The following POLR2C variants were observed in gnomAD, a reference collection of about 807,000 sequenced individuals.
The protein encoded by POLR2C is RNA polymerase II subunit C, also known as DNA-directed RNA polymerase II subunit RPB3.
POLR2C carries 36 observed loss-of-function variants against 41.7 expected under a neutral mutation model. The ratio of observed to expected loss-of-function variants is 0.86; its 90% CI spans 0.66 to 1.14. The LOEUF is 1.14. Among genes scored for constraint, POLR2C ranks in the 50% most tolerant of loss-of-function variants. The pLI is 0.00. For missense variants in POLR2C, 260 were observed against 350.4 expected, an observed-to-expected ratio of 0.74 and a Z score of 2.06; for synonymous variants, 133 against 137.8, an observed-to-expected ratio of 0.96 and a Z score of 0.25.
chr16:57,471,787 C>G lies in POLR2C; in HGVS notation c.*668C>G, dbSNP rs570494543. The G allele has an allele frequency of 6.6e-6, 1 of 151,094 alleles. No individual in the cohort carries two copies. Among genetic ancestry groups the G allele is most frequent in the South Asian group, 2.1e-4 (1 of 4,844 alleles). The allele number at this position is 151,094 out of a possible 1,614,324, so 9.4% of individuals were successfully genotyped here. A position where few individuals can be genotyped will look rare whatever the true frequency, so the allele number is the denominator to read the frequency against. ...TGGAAGCAGCCGCAGGAGCAAGGGCCCCTCCCACATACACAGGAGGAGTAT... is the reference window on the plus strand; with the variant it reads ...TGGAAGCAGCCGCAGGAGCAAGGGCGCCTCCCACATACACAGGAGGAGTAT... On this transcript the variant is annotated 3_prime_UTR_variant, in exon 9 of 9. Coordinates refer to ENST00000219252, the MANE Select transcript of POLR2C (RefSeq NM_032940.3).
At chr16:57,463,551 C>G in intron 2 of POLR2C, 1 of 415,386 alleles carries the variant, frequency 2.4e-6, no homozygotes, top group Non-Finnish European at 4.9e-6. Context: ...TCCCTTCCAG[C>G]TCTAGTAGTC....
At chr16:57,463,842 C>CT (rs2030640327) in intron 2 of POLR2C, 1 of 313,960 alleles carries the variant, frequency 3.2e-6, no homozygotes, top group East Asian at 1.1e-4. Flanking sequence ...ACTGGGGAGG[C>CT]TGAGGCAGAA....
chr16:57,467,359 G>GT (rs1234730491), intron 4 of POLR2C, among the ~76,000 whole-genome samples: 5 of 152,168 alleles, frequency 3.3e-5, no homozygotes, highest in African/African-American at 1.2e-4. Flanking sequence ...CCAGATTTTT[G>GT]TTTTTTAATA....
rs376623936 is a variant in POLR2C at position 57,463,081 on chromosome 16, A to G, written c.136+3A>G. 3.4e-5 allele frequency: 54 copies of G among 1,608,966 alleles called. No individual in the cohort carries two copies. In the African/African-American group the frequency reaches 6.6e-4, roughly 20 times the overall value. ...CATCGCTGAGGTTCCCATAATAGGTAAGCGACTCCCCTTCCTCGTTCCCGC... is the reference window on the plus strand; with the variant it reads ...CATCGCTGAGGTTCCCATAATAGGTGAGCGACTCCCCTTCCTCGTTCCCGC... On this transcript the variant is annotated splice_donor_region_variant and intron_variant, in intron 2 of 8. Transcript: ENST00000219252.
intron 4 of POLR2C, among the ~76,000 whole-genome samples, chr16:57,467,460 C>T (rs1393902871): frequency 6.6e-6 from 1 of 152,194 alleles, no homozygotes; most frequent in East Asian, 1.9e-4. Flanking sequence ...GCTCTATCAC[C>T]TAGCAGTTCC....
chr16:57,470,518 G>T, intron 8 of POLR2C, 164 bp downstream of exon 8: 1 of 595,860 alleles, frequency 1.7e-6, no homozygotes, highest in Non-Finnish European at 3.0e-6. Context: ...CATCCCAGGG[G>T]CAGGTCGTCA....
Position 57,470,137 on chromosome 16 carries a change from C to A in POLR2C, c.608+8C>A, listed in dbSNP as rs769053756. 6.2e-7 allele frequency: 1 copy of A among 1,610,078 alleles called. No homozygotes were observed. The highest frequency in any genetic ancestry group is 2.2e-5 in the East Asian group (1 of 44,856). On this transcript the variant is annotated splice_region_variant and intron_variant, in intron 7 of 8. Transcript: ENST00000219252. ...CCCCAAGCCCGAGGAATGGTATGTT[C>A]CCCTTAGGAGTGATGGCAGGCATTT...
At chr16:57,466,931 A>G (rs1408447048) in intron 4 of POLR2C, among the ~76,000 whole-genome samples, 1 of 152,148 alleles carries the variant, frequency 6.6e-6, no homozygotes, top group African/African-American at 2.4e-5. Context: ...ATATGTGTGT[A>G]TTTTTAAAAA....
intron 2 of POLR2C, among the ~76,000 whole-genome samples, chr16:57,464,852 T>C (rs552906428): frequency 6.6e-6 from 1 of 152,184 alleles, no homozygotes; most frequent in South Asian, 2.1e-4. Flanking sequence ...ACAAATAATA[T>C]TGAGCACCCA....
rs1259871114 is a variant in POLR2C at position 57,471,218 on chromosome 16, C to CTGT, written c.*102_*104dup. 13 of 1,069,508 alleles carry CTGT rather than the reference C, an allele frequency of 1.2e-5. No homozygotes were observed. In the Middle Eastern group the frequency reaches 8.2e-4, roughly 67 times the overall value. The allele number at this position is 1,069,508 out of a possible 1,614,324, so 66.3% of individuals were successfully genotyped here. A position where few individuals can be genotyped will look rare whatever the true frequency, so the allele number is the denominator to read the frequency against. On this transcript the variant is annotated 3_prime_UTR_variant, in exon 9 of 9. Coordinates refer to ENST00000219252, the MANE Select transcript of POLR2C (RefSeq NM_032940.3). ...TTCTCGTTTCTGAGAATCTAGTCTA[C>CTGT]TGTTGGTTGAGCTTCTTGGCAGGAC...
chr16:57,466,135 C>A, intron 3 of POLR2C, 40 bp from the exon 4 acceptor site: 1 of 1,546,942 alleles, frequency 6.5e-7, no homozygotes, highest in Non-Finnish European at 8.9e-7. Context: ...TTTGGCTTGG[C>A]TGTTTGGTTT....
At chr16:57,466,083 C>A in intron 3 of POLR2C, 62 bp downstream of exon 3, 1 of 1,417,682 alleles carries the variant, frequency 7.1e-7, no homozygotes, top group Non-Finnish European at 1.0e-6. Flanking sequence ...CAGGAGGGGG[C>A]CTCCTTCCAG....
chr16:57,463,194 G>A, intron 2 of POLR2C, 116 bp downstream of exon 2: 1 of 878,526 alleles, frequency 1.1e-6, no homozygotes, highest in Non-Finnish European at 1.9e-6. Flanking sequence ...GTAGTGCTGA[G>A]AAAAGTGCAT....
At position 57,469,623 on chromosome 16, in the gene POLR2C, T is replaced by G. The variant is rs2030781138; in HGVS notation, c.388-87T>G. ...GGTGTTCGTTCCCTGGTTGACAGAT[T>G]GCAGTCTAGAGGTGCTGGGATATGG... On this transcript the variant is annotated intron_variant, in intron 5 of 8. Coordinates refer to ENST00000219252, the MANE Select transcript of POLR2C (RefSeq NM_032940.3). This position sits in a 1 kb window ranked among gnomAD's most constrained non-coding sequence, Gnocchi z 5.8. 8.9e-7 allele frequency: 1 copy of G among 1,122,296 alleles called. No individual in the cohort carries two copies. The highest frequency in any genetic ancestry group is 1.5e-5 in the African/African-American group (1 of 65,490). The allele number at this position is 1,122,296 out of a possible 1,614,324, so 69.5% of individuals were successfully genotyped here.
Position 57,469,215 on chromosome 16 carries a change from C to T in POLR2C, c.309C>T (p.Leu103=), listed in dbSNP as rs777235730. Residue 103 remains leucine, a synonymous_variant, in exon 5 of 9, where the codon CTC becomes CTT. Transcript: ENST00000219252. This position sits in a 1 kb window ranked among gnomAD's most constrained non-coding sequence, Gnocchi z 5.8. ...CCGAGTGCTCGGTGGAGTTCACCCTCGATGTGCGGTGCAATGAAGACCAGA... is the reference window on the plus strand; with the variant it reads ...CCGAGTGCTCGGTGGAGTTCACCCTTGATGTGCGGTGCAATGAAGACCAGA... The part of the protein sequence containing the change: ...FCPECSVEFT[L]DVRCNEDQTR... 31 of 1,613,998 alleles carry T rather than the reference C, an allele frequency of 1.9e-5. No individual in the cohort carries two copies. Among genetic ancestry groups the T allele is most frequent in the African/African-American group, 1.3e-4 (10 of 74,928 alleles).
intron 1 of POLR2C, 61 bp downstream of exon 1, chr16:57,462,871 C>T: frequency 2.9e-6 from 4 of 1,392,820 alleles, no homozygotes. Context: ...AAGCCGGGGC[C>T]CCGGGGCAGG....
intron 1 of POLR2C, 59 bp from the exon 2 acceptor site, chr16:57,462,970 G>A: frequency 6.6e-7 from 1 of 1,508,264 alleles, no homozygotes; most frequent in Non-Finnish European, 9.2e-7. Context: ...AGCCTGCGGC[G>A]CGGGCCCAGC....
rs766525559 is a variant in POLR2C, at chr16:57,465,972, T to G, written c.156T>G (p.Ile52Met). The G allele has an allele frequency of 3.7e-6, 6 of 1,604,930 alleles. No individual in the cohort carries two copies. The highest frequency in any genetic ancestry group is 5.1e-6 in the Non-Finnish European group (6 of 1,171,700). The change falls in exon 3 of 9, where the codon ATT becomes ATG. Residue 52 changes from isoleucine (I) to methionine (M), a missense_variant. Coordinates refer to ENST00000219252, the MANE Select transcript of POLR2C (RefSeq NM_032940.3). ...VPIIAIDWVQIDANSSVLHDE... is the reference protein window; with the variant it reads ...VPIIAIDWVQMDANSSVLHDE... Reference sequence around the variant, plus strand: ...TTTTAGCCATTGACTGGGTTCAGATTGATGCCAATTCCTCAGTTCTTCATG... The same window carrying G: ...TTTTAGCCATTGACTGGGTTCAGATGGATGCCAATTCCTCAGTTCTTCATG...
chr16:57,469,645 A>G lies in POLR2C; in HGVS notation c.388-65A>G. ...GATTGCAGTCTAGAGGTGCTGGGAT[A>G]TGGATGCCAGAGGAGGTGACTGGGG... is the stretch of plus-strand genomic sequence containing the variant. On this transcript the variant is annotated intron_variant, in intron 5 of 8. Transcript: ENST00000219252. This position sits in a 1 kb window ranked among gnomAD's most constrained non-coding sequence, Gnocchi z 5.8. The G allele has an allele frequency of 7.6e-7, 1 of 1,323,186 alleles. No individual in the cohort carries two copies. The highest frequency in any genetic ancestry group is 2.3e-5 in the East Asian group (1 of 43,486). 82.0% of individuals were successfully genotyped at this position (1,323,186 alleles called of 1,614,324 possible). A position where few individuals can be genotyped will look rare whatever the true frequency, so the allele number is the denominator to read the frequency against.
Sources: allele counts gnomAD v4.1 joint callset (sites outside exome capture counted in the v4.1 genomes callset), GRCh38; gene constraint gnomAD v4.1.1; non-coding constraint Gnocchi (gnomAD v3.1); transcripts MANE v1.5; gene names NCBI Gene and HGNC (gene_info 2026-07-23, HGNC 2026-07-21).